Variants in STAU2 observed in about 807,000 individuals in gnomAD.
STAU2 encodes double-stranded RNA-binding protein Staufen homolog 2.
In STAU2, 20 loss-of-function variants were observed where a neutral mutation model predicts 65.9. The ratio of observed to expected loss-of-function variants is 0.30; its 90% CI spans 0.21 to 0.44. The LOEUF (loss-of-function observed/expected upper bound fraction) is 0.44. Ranked by LOEUF, STAU2 falls within the 20% of genes least tolerant of loss-of-function variation. The probability of loss-of-function intolerance (pLI) is 1.00; values close to 1 mark genes in which losing one functional copy is unlikely to be tolerated. For synonymous variants in STAU2, 232 were observed against 233.9 expected (o/e 0.99, Z 0.07); for missense variants, 558 against 683.9 (o/e 0.82, Z 2.05).
intron 5 of STAU2, 77 bp from the exon 6 acceptor site, chr8:73,673,319 C>G (rs1336480713): frequency 2.3e-6 from 3 of 1,313,358 alleles, no homozygotes; most frequent in Non-Finnish European, 3.0e-6. Context: ...ATTTATACAA[C>G]GCTTAAATAC....
chr8:73,555,163 A>G (rs2128945310), intron 12 of STAU2, among the ~76,000 whole-genome samples: 1 of 152,332 alleles, frequency 6.6e-6, no homozygotes, highest in Admixed American at 6.5e-5. Context: ...AGAAGTGCTA[A>G]AAGCTCAGGG....
At chr8:73,746,841 G>A, upstream of STAU2, 2 of 1,223,826 alleles carry the variant, frequency 1.6e-6, no homozygotes, top group Non-Finnish European at 2.0e-6. Context: ...ACAGAGAACT[G>A]ACCCCGCTCG....
intron 13 of STAU2, among the ~76,000 whole-genome samples, chr8:73,450,537 A>G (rs1016280593): frequency 2.0e-5 from 3 of 152,226 alleles, no homozygotes; most frequent in Admixed American, 6.5e-5. Context: ...GAAAAGTTCA[A>G]CTGCTCTGGA....
chr8:73,625,238 T>G lies in STAU2; in HGVS notation c.411-7787A>C, dbSNP rs193199385. Among the ~76,000 whole-genome samples the G allele has an allele frequency of 5.6e-3, 850 of 152,222 alleles. 5 individuals carry two copies. The highest frequency in any genetic ancestry group is 0.01 in the Middle Eastern group (3 of 294). On this transcript the variant is annotated intron_variant, in intron 6 of 14. Coordinates refer to ENST00000524300, the MANE Select transcript of STAU2 (RefSeq NM_001164380.2). ...ATATATACCCAAGAGAAATGAAAACTGGGGTTCAAACAAAAACTCGTAGGT... is the reference window on the plus strand; with the variant it reads ...ATATATACCCAAGAGAAATGAAAACGGGGGTTCAAACAAAAACTCGTAGGT...
chr8:73,596,084 C>T (rs1032491568), intron 10 of STAU2, among the ~76,000 whole-genome samples: 7 of 151,510 alleles, frequency 4.6e-5, no homozygotes, highest in African/African-American at 1.7e-4. Flanking sequence ...TGCACTCCAG[C>T]CTGGGGCCAC....
chr8:73,451,918 C>T (rs1384921302), intron 13 of STAU2, among the ~76,000 whole-genome samples: 4 of 152,190 alleles, frequency 2.6e-5, no homozygotes, highest in Admixed American at 2.6e-4. Flanking sequence ...GCATGCTGCC[C>T]AAGGACTGAA....
chr8:73,558,813 G>GAA (rs35776038), intron 12 of STAU2, among the ~76,000 whole-genome samples: 7 of 150,298 alleles, frequency 4.7e-5, no homozygotes, highest in Admixed American at 1.3e-4. Flanking sequence ...GAAAAGCTTT[G>GAA]AAAAAAAAAA....
chr8:73,597,776 CA>C (rs1176164527), intron 10 of STAU2, among the ~76,000 whole-genome samples: 1 of 150,522 alleles, frequency 6.6e-6, no homozygotes, highest in African/African-American at 2.4e-5. Flanking sequence ...TACAGATTAC[CA>C]AATTGCCACA....
intron 7 of STAU2, 21 bp from the exon 8 acceptor site, chr8:73,615,803 T>A: frequency 2.6e-6 from 4 of 1,537,678 alleles, no homozygotes; most frequent in Non-Finnish European, 3.6e-6. Flanking sequence ...AAAAATAGGA[T>A]AACACTGAAT....
intron 3 of STAU2, among the ~76,000 whole-genome samples, chr8:73,721,073 A>G (rs1056498918): frequency 6.8e-6 from 1 of 146,210 alleles, no homozygotes; most frequent in African/African-American, 2.5e-5. Flanking sequence ...TGAACCCAGG[A>G]GTTCTAGACC....
intron 13 of STAU2, among the ~76,000 whole-genome samples, chr8:73,501,722 A>G (rs1821764229): frequency 6.6e-6 from 1 of 152,060 alleles, no homozygotes; most frequent in Admixed American, 6.6e-5. Context: ...ATGGGAAAAG[A>G]AAGTATAAAA....
intron 13 of STAU2, among the ~76,000 whole-genome samples, chr8:73,521,491 T>C (rs565928698): frequency 5.3e-5 from 8 of 152,348 alleles, no homozygotes; most frequent in African/African-American, 1.7e-4. Context: ...CATATAGATT[T>C]GGTTCTTGCT....
At chr8:73,452,397 C>A (rs894752717) in intron 13 of STAU2, among the ~76,000 whole-genome samples, 18 of 152,214 alleles carry the variant, frequency 1.2e-4, no homozygotes, top group Non-Finnish European at 2.2e-4. Context: ...GCTGGAGAAG[C>A]CCTGTCCTCC....
intron 4 of STAU2, among the ~76,000 whole-genome samples, chr8:73,706,473 T>C (rs750946206): frequency 1.3e-5 from 2 of 152,280 alleles, no homozygotes; most frequent in Non-Finnish European, 2.9e-5. Context: ...GAGATTATCA[T>C]TAATTTCATT....
At chr8:73,597,669 CAAAAAAA>C (rs34461371) in intron 10 of STAU2, among the ~76,000 whole-genome samples, 13 of 55,862 alleles carry the variant, frequency 2.3e-4, no homozygotes, top group Non-Finnish European at 3.1e-4. Context: ...GTCTCTGTCT[CAAAAAAA>C]AAAAAAAAAA....
chr8:73,729,933 G>A (rs1010166782), intron 3 of STAU2, among the ~76,000 whole-genome samples: 2 of 152,050 alleles, frequency 1.3e-5, no homozygotes, highest in African/African-American at 4.8e-5. Flanking sequence ...TTCTTTGTCA[G>A]TCTAGCAAAA....
intron 4 of STAU2, among the ~76,000 whole-genome samples, 161 bp from the exon 5 acceptor site, chr8:73,688,974 G>C (rs545600919): frequency 6.6e-6 from 1 of 152,278 alleles, no homozygotes; most frequent in South Asian, 2.1e-4. Flanking sequence ...ACCTAGTGAA[G>C]AAATTTTAAG....
At chr8:73,461,352 G>T (rs1819339639) in intron 13 of STAU2, among the ~76,000 whole-genome samples, 2 of 152,134 alleles carry the variant, frequency 1.3e-5, no homozygotes, top group African/African-American at 4.8e-5. Context: ...GTAAGGGCTA[G>T]TTTCAAAGGA....
chr8:73,723,092 G>A (rs1563530006), intron 3 of STAU2, among the ~76,000 whole-genome samples: 1 of 151,750 alleles, frequency 6.6e-6, no homozygotes, highest in South Asian at 2.1e-4. Context: ...ACTAGAGTGC[G>A]TGCGTGCCCA....
Sources: allele counts gnomAD v4.1 joint callset (sites outside exome capture counted in the v4.1 genomes callset), GRCh38; gene constraint gnomAD v4.1.1; transcripts MANE v1.5; gene names NCBI Gene and HGNC (gene_info 2026-07-23, HGNC 2026-07-21).